TPCN2: variants seen among roughly 807,000 people sequenced by gnomAD.
TPCN2 encodes two pore segment channel 2.
A neutral mutation model predicts 111.4 loss-of-function variants in TPCN2; 92 were observed. The observed-to-expected ratio is 0.83, with a 90% CI of 0.70 to 0.98. The LOEUF (loss-of-function observed/expected upper bound fraction) is 0.98, where lower values mean the gene tolerates loss of function less well. Among genes scored for constraint, TPCN2 ranks in the 50% least tolerant of loss-of-function variants. The probability of loss-of-function intolerance (pLI) is 0.00; values close to 1 mark genes in which losing one functional copy is unlikely to be tolerated. For synonymous variants in TPCN2, 405 were observed against 414.5 expected (o/e 0.98, Z 0.28); for missense variants, 995 against 980.1 (o/e 1.02, Z -0.20).
intron 22 of TPCN2, 134 bp downstream of exon 22, chr11:69,086,064 G>C (rs58555283): frequency 1.2e-6 from 1 of 828,566 alleles, no homozygotes; most frequent in African/African-American, 1.7e-5. Flanking sequence ...CAGGGAAGTC[G>C]GCCAGCGTGG....
At position 69,078,563 on chromosome 11, in the gene TPCN2, G is replaced by A; in HGVS notation, c.1312G>A (p.Gly438Arg). The change falls in exon 14 of 25, where the codon GGG becomes AGG. Residue 438 changes from glycine (G) to arginine (R), a missense_variant. By Grantham distance (125) the Gly-to-Arg change is moderately radical. Transcript: ENST00000294309. ...CGGCCACTACTACTTTGACTACCTGGGGAACCTCATCGCCCTGGCAAACCT... is the reference window on the plus strand; with the variant it reads ...CGGCCACTACTACTTTGACTACCTGAGGAACCTCATCGCCCTGGCAAACCT... Reference protein sequence around the residue: ...LFGHYYFDYLGNLIALANLVS... With the variant: ...LFGHYYFDYLRNLIALANLVS... 6.2e-7 allele frequency: 1 copy of A among 1,614,078 alleles called. No individual in the cohort carries two copies. The highest frequency in any genetic ancestry group is 1.3e-5 in the African/African-American group (1 of 75,062).
intron 9 of TPCN2, among the ~76,000 whole-genome samples, chr11:69,070,955 C>G (rs540675425): frequency 6.7e-6 from 1 of 149,366 alleles, no homozygotes; most frequent in African/African-American, 2.5e-5. Context: ...CACGGCTTCA[C>G]CCCAGGGATC....
At chr11:69,061,869 G>A (rs1590715373) in intron 5 of TPCN2, among the ~76,000 whole-genome samples, 1 of 151,648 alleles carries the variant, frequency 6.6e-6, no homozygotes, top group Non-Finnish European at 1.5e-5. Context: ...TGTGGTGGCC[G>A]TGGGTGGGCC....
rs774844694 is a variant in TPCN2, at chr11:69,085,677, C to G, written c.1845C>G (p.Ala615=). The G allele has an allele frequency of 6.2e-7, 1 of 1,611,856 alleles. No homozygotes were observed. Reference sequence around the variant, plus strand: ...GGTGTGTTGTGTTCCCCAGCCTGGCCCCTGCCAATGGCTCGGCGCCCTGTG... The same window carrying G: ...GGTGTGTTGTGTTCCCCAGCCTGGCGCCTGCCAATGGCTCGGCGCCCTGTG... ...IVALPGNSSL[A]PANGSAPCGS... is the part of the protein sequence containing the mutation. Residue 615 remains alanine, a synonymous_variant, in exon 21 of 25, where the codon GCC becomes GCG. Transcript: ENST00000294309.
At chr11:69,086,021 G>A (rs1287971343) in intron 22 of TPCN2, 91 bp downstream of exon 22, 11 of 1,318,734 alleles carry the variant, frequency 8.3e-6, no homozygotes, top group East Asian at 2.5e-5. Flanking sequence ...CTGGACGCCC[G>A]GAGCGTGGCT....
At chr11:69,077,460 A>T (rs539491983) in intron 13 of TPCN2, among the ~76,000 whole-genome samples, 152 of 152,088 alleles carry the variant, frequency 1.0e-3, no homozygotes, top group Non-Finnish European at 2.0e-3. Flanking sequence ...GCTGAAAGGG[A>T]CCCTGCCCGT....
chr11:69,087,697 C>T (rs778673583), intron 24 of TPCN2, among the ~76,000 whole-genome samples, 178 bp from the exon 25 acceptor site: 4 of 152,088 alleles, frequency 2.6e-5, no homozygotes, highest in African/African-American at 7.2e-5. Flanking sequence ...TTAAGAATGC[C>T]GTGTAGATAT....
intron 16 of TPCN2, 146 bp downstream of exon 16, chr11:69,079,166 C>T: frequency 9.2e-7 from 1 of 1,089,696 alleles, no homozygotes; most frequent in Non-Finnish European, 1.3e-6. Context: ...GGGCTGGCTT[C>T]CCTGCTGGCC....
At chr11:69,067,767 A>C (rs987473687) in intron 8 of TPCN2, among the ~76,000 whole-genome samples, 162 bp downstream of exon 8, 5 of 151,546 alleles carry the variant, frequency 3.3e-5, no homozygotes, top group African/African-American at 4.9e-5. Context: ...TTCTTTTCCT[A>C]TCTCTTCTTT....
chr11:69,070,649 A>G, intron 9 of TPCN2, among the ~76,000 whole-genome samples, 154 bp downstream of exon 9: 1 of 150,440 alleles, frequency 6.6e-6, no homozygotes, highest in East Asian at 2.0e-4. Flanking sequence ...TTTTAACCCC[A>G]GAGATCCCCC....
chr11:69,086,620 A>G lies in TPCN2; in HGVS notation c.2085+16A>G, dbSNP rs1272046046. 14 of 1,611,922 alleles carry G rather than the reference A, an allele frequency of 8.7e-6. No homozygotes were observed. The highest frequency in any genetic ancestry group is 1.2e-5 in the Non-Finnish European group (14 of 1,178,414). On this transcript the variant is annotated intron_variant, in intron 23 of 24. Transcript: ENST00000294309. ...GATTCTGGAGGTATCAGAGATCCCC[A>G]CCCAGGCTGTTCTCCATGGTCGTTT...
At chr11:69,051,019 T>C (rs1230369807) in intron 1 of TPCN2, among the ~76,000 whole-genome samples, 1 of 152,228 alleles carries the variant, frequency 6.6e-6, no homozygotes, top group Non-Finnish European at 1.5e-5. Context: ...ACTGGCAGAC[T>C]ATGGAGCCAT....
In TPCN2 at chr11:69,089,770, CCTTTA is replaced by C. The variant is rs1856385349; in HGVS notation, c.*1822_*1826del. On this transcript the variant is annotated 3_prime_UTR_variant, in exon 25 of 25. Coordinates refer to ENST00000294309, the MANE Select transcript of TPCN2 (RefSeq NM_139075.4). ...CCAATATCCCATCCCTGTCAAACTG[CCTTTA>C]CTTTTTCCTTCCTTCCTTGCTCCCA... 8 of 152,414 alleles carry C rather than the reference CCTTTA, an allele frequency of 5.2e-5. No individual in the cohort carries two copies. In the South Asian group the frequency reaches 1.7e-3, roughly 32 times the overall value. 9.4% of individuals were successfully genotyped at this position (152,414 alleles called of 1,614,324 possible).
chr11:69,056,379 T>C (rs967513260), intron 4 of TPCN2, among the ~76,000 whole-genome samples: 1 of 152,214 alleles, frequency 6.6e-6, no homozygotes, highest in Non-Finnish European at 1.5e-5. Context: ...TAGCTTATCA[T>C]GTGGTTAGCA....
chr11:69,087,150 G>A lies in TPCN2; in HGVS notation c.2124G>A (p.Gln708=). 1.2e-6 allele frequency: 2 copies of A among 1,613,944 alleles called. No individual in the cohort carries two copies. Among genetic ancestry groups the A allele is most frequent in the African/African-American group, 1.3e-5 (1 of 75,028 alleles). ...LHKWDPRSHL[Q]PLAGTPEATY... is the part of the protein sequence containing the mutation. ...AGTGGGACCCCCGCAGCCACCTGCA[G>A]CCCCTTGCTGGGACCCCAGAGGCCA... The change falls in exon 24 of 25, where the codon CAG becomes CAA. Residue 708 remains glutamine, a synonymous_variant. Transcript: ENST00000294309.
In TPCN2 at chr11:69,057,622, G is replaced by C. The variant is rs762527385; in HGVS notation, c.474G>C (p.Leu158=). 53 of 1,614,126 alleles carry C rather than the reference G, an allele frequency of 3.3e-5. No individual in the cohort carries two copies. The highest frequency in any genetic ancestry group is 4.4e-5 in the Non-Finnish European group (52 of 1,180,042). The change falls in exon 5 of 25, where the codon CTG becomes CTC. Residue 158 remains leucine (L), a synonymous_variant. Coordinates refer to ENST00000294309, the MANE Select transcript of TPCN2 (RefSeq NM_139075.4). Reference sequence around the variant, plus strand: ...CCCATTTCCAGAAAAACCTTTGGCTGCTGGGCTACCTCGTGGTGCTGGTGG... The same window carrying C: ...CCCATTTCCAGAAAAACCTTTGGCTCCTGGGCTACCTCGTGGTGCTGGTGG... The part of the protein sequence containing the change: ...GWAHFQKNLW[L]LGYLVVLVVS...
intron 11 of TPCN2, 102 bp downstream of exon 11, chr11:69,072,125 C>T (rs756017104): frequency 1.0e-6 from 1 of 969,480 alleles, no homozygotes; most frequent in South Asian, 1.6e-5. Flanking sequence ...TGGCCTGTGC[C>T]TCGCCCCTGC....
At position 69,062,978 on chromosome 11, in the gene TPCN2, C is replaced by A. The variant is rs139760549; in HGVS notation, c.641C>A (p.Pro214Gln). 2 of 1,613,884 alleles carry A rather than the reference C, an allele frequency of 1.2e-6. No individual in the cohort carries two copies. Among genetic ancestry groups the A allele is most frequent in the Non-Finnish European group, 1.7e-6 (2 of 1,179,804 alleles). Residue 214 changes from proline to glutamine, a missense_variant, in exon 6 of 25, where the codon CCG becomes CAG. Physicochemically the swap from Pro to Gln is moderately conservative, Grantham distance 76. Coordinates refer to ENST00000294309, the MANE Select transcript of TPCN2 (RefSeq NM_139075.4). Reference sequence around the variant, plus strand: ...TTGAAATGCATCCGCTGGTCGCTGCCGGAAATGGCCAGGTGGGCTCTTGGT... The same window carrying A: ...TTGAAATGCATCCGCTGGTCGCTGCAGGAAATGGCCAGGTGGGCTCTTGGT... Reference protein sequence around the residue: ...KTLKCIRWSLPEMASVGLLLA... With the variant: ...KTLKCIRWSLQEMASVGLLLA...
intron 3 of TPCN2, among the ~76,000 whole-genome samples, 187 bp from the exon 4 acceptor site, chr11:69,054,988 C>T (rs1402079529): frequency 6.6e-6 from 1 of 152,210 alleles, no homozygotes; most frequent in Non-Finnish European, 1.5e-5. Flanking sequence ...ACAAGGGTTC[C>T]TTTCTGGAAT....
Sources: gnomAD v4.1 joint callset for allele counts (sites outside exome capture counted in the v4.1 genomes callset) on GRCh38, gnomAD v4.1.1 for gene constraint, MANE v1.5 for transcripts, NCBI Gene and HGNC (gene_info 2026-07-23, HGNC 2026-07-21) for gene names.